The following CPED1 variants were observed in gnomAD, a reference collection of about 807,000 sequenced individuals.
CPED1 encodes the protein cadherin-like and PC-esterase domain-containing protein 1.
In CPED1, 114 loss-of-function variants were observed where a neutral mutation model predicts 128.2. That is an observed-to-expected ratio of 0.89 (90% confidence interval 0.76 to 1.04). The LOEUF (loss-of-function observed/expected upper bound fraction) is 1.04. CPED1 is among the 50% of genes least tolerant of loss of function. CPED1 has a pLI of 0.00. For synonymous variants in CPED1, 462 were observed against 426.7 expected (o/e 1.08, Z -1.02); for missense variants, 1,211 against 1,207.1 (o/e 1.00, Z -0.05).
In CPED1 at chr7:121,124,426, T is replaced by C. The variant is rs372184352; in HGVS notation, c.1014T>C (p.Ala338=). The change falls in exon 8 of 23, where the codon GCT becomes GCC. Residue 338 remains alanine, a synonymous_variant. Transcript: ENST00000310396. The stretch of plus-strand genomic sequence containing the variant: ...CAATTGGCAAACTACTGCTAGCGGC[T>C]GAAGTATTCAGTGAAACATCTACTC... ...KEAIGKLLLA[A]EVFSETSTLG... is the part of the protein sequence containing the mutation. 1.3e-5 allele frequency: 21 copies of C among 1,602,962 alleles called. No individual in the cohort carries two copies. The highest frequency in any genetic ancestry group is 3.4e-5 in the Admixed American group (2 of 59,290).
intron 16 of CPED1, among the ~76,000 whole-genome samples, chr7:121,189,760 T>TTATATATATA (rs377035175): frequency 0.021 from 986 of 47,268 alleles, 22 homozygotes; most frequent in Non-Finnish European, 0.023. Flanking sequence ...TTATGAGGTT[T>TTATATATATA]TATATATATA....
chr7:121,172,778 A>C (rs557665801), intron 16 of CPED1, among the ~76,000 whole-genome samples: 1 of 152,264 alleles, frequency 6.6e-6, no homozygotes, highest in South Asian at 2.1e-4. Flanking sequence ...GTCAGTTCCC[A>C]ACTGGGATAT....
intron 16 of CPED1, among the ~76,000 whole-genome samples, chr7:121,223,540 C>A (rs1288116364): frequency 2.0e-5 from 3 of 152,112 alleles, no homozygotes; most frequent in Non-Finnish European, 2.9e-5. Flanking sequence ...TGGTACACAG[C>A]TCCTCTTTTT....
At chr7:121,257,755 C>G (rs1342489289) in intron 18 of CPED1, among the ~76,000 whole-genome samples, 1 of 152,008 alleles carries the variant, frequency 6.6e-6, no homozygotes, top group Non-Finnish European at 1.5e-5. Flanking sequence ...TTTTCTCTTT[C>G]ATTACTAAGA....
intron 16 of CPED1, among the ~76,000 whole-genome samples, chr7:121,210,642 T>C (rs987259594): frequency 1.3e-5 from 2 of 151,854 alleles, no homozygotes; most frequent in East Asian, 1.9e-4. Flanking sequence ...AGTAGAATAA[T>C]GGTTACCAGA....
intron 22 of CPED1, among the ~76,000 whole-genome samples, chr7:121,276,819 A>G (rs1792340160): frequency 6.6e-6 from 1 of 152,168 alleles, no homozygotes; most frequent in South Asian, 2.1e-4. Flanking sequence ...ATAAATCACA[A>G]AAGAATATTT....
At chr7:121,055,544 A>C (rs932268744) in intron 4 of CPED1, among the ~76,000 whole-genome samples, 5 of 151,232 alleles carry the variant, frequency 3.3e-5, no homozygotes, top group African/African-American at 1.2e-4. Flanking sequence ...CACAAATTAC[A>C]GGTGTGACAT....
Position 121,187,471 on chromosome 7 carries a change from G to A in CPED1, c.2055+45330G>A, listed in dbSNP as rs114018944. On this transcript the variant is annotated intron_variant, in intron 16 of 22. Coordinates refer to ENST00000310396, the MANE Select transcript of CPED1 (RefSeq NM_024913.5). ...AAGGGAGAGGGTGATATATGAAGAGGATGGACAGGTAGATGGGGATAGATC... is the reference window on the plus strand; with the variant it reads ...AAGGGAGAGGGTGATATATGAAGAGAATGGACAGGTAGATGGGGATAGATC... Among the ~76,000 whole-genome samples the A allele has an allele frequency of 9.8e-3, 1,489 of 152,244 alleles. 29 individuals are homozygous for A. The highest frequency in any genetic ancestry group is 0.034 in the African/African-American group (1,411 of 41,556).
At chr7:121,098,743 TAAAAATATATAA>T (rs1157314861) in intron 6 of CPED1, among the ~76,000 whole-genome samples, 1 of 125,444 alleles carries the variant, frequency 8.0e-6, no homozygotes. Context: ...TATATATATA[TAAAAATATATAA>T]AAATATATAT....
intron 16 of CPED1, among the ~76,000 whole-genome samples, chr7:121,154,169 G>A (rs1726476725): frequency 6.6e-6 from 1 of 152,184 alleles, no homozygotes; most frequent in Non-Finnish European, 1.5e-5. Flanking sequence ...AGTGTTGCAA[G>A]TATCCACATA....
intron 11 of CPED1, 57 bp downstream of exon 11, chr7:121,128,543 T>G: frequency 2.3e-6 from 2 of 870,134 alleles, no homozygotes; most frequent in East Asian, 4.8e-5. Context: ...AGTAGATCAC[T>G]GTAAGCTACC....
At chr7:121,155,182 A>G (rs1048082428) in intron 16 of CPED1, among the ~76,000 whole-genome samples, 21 of 152,352 alleles carry the variant, frequency 1.4e-4, no homozygotes, top group African/African-American at 5.1e-4. Context: ...GATTTGTACA[A>G]GGAAAACTAT....
At chr7:121,291,317 A>C (rs1293122786) in intron 22 of CPED1, among the ~76,000 whole-genome samples, 1 of 152,186 alleles carries the variant, frequency 6.6e-6, no homozygotes, top group Non-Finnish European at 1.5e-5. Flanking sequence ...AATTTAAAGT[A>C]GTTTTCTAAT....
chr7:121,181,979 G>T (rs1274317615), intron 16 of CPED1, among the ~76,000 whole-genome samples: 1 of 152,054 alleles, frequency 6.6e-6, no homozygotes, highest in African/African-American at 2.4e-5. Flanking sequence ...TAAAAGTCAC[G>T]TTTATTCCAA....
chr7:121,064,309 C>G lies in CPED1; in HGVS notation c.612C>G (p.Phe204Leu), dbSNP rs761700789. The G allele has an allele frequency of 1.2e-6, 2 of 1,607,984 alleles. No homozygotes were observed. The highest frequency in any genetic ancestry group is 2.2e-5 in the South Asian group (2 of 90,916). Residue 204 changes from phenylalanine (F) to leucine (L), a missense_variant, in exon 5 of 23, where the codon TTC (phenylalanine) becomes TTG (leucine). Phe to Leu is a conservative substitution (Grantham distance 22). Transcript: ENST00000310396. ...GATTATGTCAAATAGTTAGAAGATT[C>G]CCAGGTAATCTTTCGTTTGCTTCCT... is the stretch of plus-strand genomic sequence containing the variant. ...KEGLCQIVRR[F>L]PELQLPVSPS...
intron 7 of CPED1, among the ~76,000 whole-genome samples, chr7:121,120,349 T>A (rs1431540422): frequency 1.3e-5 from 2 of 152,194 alleles, no homozygotes; most frequent in Admixed American, 6.5e-5. Flanking sequence ...TCCTAATGGG[T>A]GTGAAGTAAT....
At chr7:121,198,981 T>C (rs1015719986) in intron 16 of CPED1, among the ~76,000 whole-genome samples, 2 of 152,170 alleles carry the variant, frequency 1.3e-5, no homozygotes, top group Non-Finnish European at 2.9e-5. Flanking sequence ...GAAACAATGA[T>C]GATGCCTTTG....
At chr7:121,080,019 G>A (rs920735626) in intron 5 of CPED1, among the ~76,000 whole-genome samples, 5 of 152,162 alleles carry the variant, frequency 3.3e-5, no homozygotes, top group African/African-American at 7.2e-5. Flanking sequence ...CAGCAGGCCC[G>A]TTTACTCACG....
intron 7 of CPED1, among the ~76,000 whole-genome samples, chr7:121,101,913 T>C (rs1015997446): frequency 9.2e-5 from 14 of 152,068 alleles, no homozygotes; most frequent in South Asian, 8.3e-4. Context: ...ACCTCCAACA[T>C]TGGGGATCAT....
Sources: allele counts gnomAD v4.1 joint callset (sites outside exome capture counted in the v4.1 genomes callset), GRCh38; gene constraint gnomAD v4.1.1; transcripts MANE v1.5; gene names NCBI Gene and HGNC (gene_info 2026-07-23, HGNC 2026-07-21).